HPSE2: variants seen among roughly 807,000 people sequenced by gnomAD.
HPSE2 encodes the protein inactive heparanase-2.
In HPSE2, 38 loss-of-function variants were observed where a neutral mutation model predicts 60.5. That is an observed-to-expected ratio of 0.63 (90% confidence interval 0.48 to 0.82). The LOEUF is 0.82. HPSE2 is among the 40% of genes least tolerant of loss of function. The pLI, the probability that HPSE2 is intolerant of heterozygous loss-of-function variation, is 0.00. For synonymous variants in HPSE2, 295 were observed against 293.2 expected (o/e 1.01, Z -0.06); for missense variants, 713 against 740.4 (o/e 0.96, Z 0.43).
intron 3 of HPSE2, among the ~76,000 whole-genome samples, chr10:99,088,686 G>A (rs893976455): frequency 2.0e-5 from 3 of 152,204 alleles, no homozygotes; most frequent in African/African-American, 7.2e-5. Context: ...TATCTTTTTC[G>A]TATAATGACT....
At chr10:98,462,332 C>T (rs1040285509) in intron 11 of HPSE2, among the ~76,000 whole-genome samples, 9 of 152,152 alleles carry the variant, frequency 5.9e-5, no homozygotes, top group African/African-American at 1.7e-4. Context: ...GCATGTGCCA[C>T]CACACCTGGC....
At chr10:98,852,114 TGTGTG>T (rs1475414231) in intron 3 of HPSE2, among the ~76,000 whole-genome samples, 50 of 46,624 alleles carry the variant, frequency 1.1e-3, no homozygotes, top group Non-Finnish European at 1.8e-3. Context: ...TATATTATGA[TGTGTG>T]TGTGTGTGTG....
intron 2 of HPSE2, among the ~76,000 whole-genome samples, chr10:99,163,902 G>C (rs1406850679): frequency 1.3e-5 from 2 of 151,884 alleles, no homozygotes; most frequent in Admixed American, 6.6e-5. Flanking sequence ...TACCACAAAG[G>C]TATGTTTAGC....
At chr10:98,989,980 G>T (rs1022177963) in intron 3 of HPSE2, among the ~76,000 whole-genome samples, 2 of 152,128 alleles carry the variant, frequency 1.3e-5, no homozygotes, top group African/African-American at 4.8e-5. Context: ...GCTTGTGGGC[G>T]TACCAAAACT....
intron 2 of HPSE2, among the ~76,000 whole-genome samples, chr10:99,184,791 T>TATATATATATATATATATATA (rs1847915082): frequency 9.6e-4 from 20 of 20,930 alleles, no homozygotes; most frequent in Non-Finnish European, 1.7e-3. Context: ...CAAAATTATA[T>TATATATATATATATATATATA]ATATATATAT....
chr10:99,204,208 C>A (rs985391652), intron 2 of HPSE2, among the ~76,000 whole-genome samples: 1 of 152,104 alleles, frequency 6.6e-6, no homozygotes, highest in Non-Finnish European at 1.5e-5. Context: ...AGGCTCGAGG[C>A]CCAATCCCAC....
At chr10:98,778,298 A>AGAGAGAGAGAC (rs1950390952) in intron 3 of HPSE2, among the ~76,000 whole-genome samples, 1 of 29,352 alleles carries the variant, frequency 3.4e-5, no homozygotes, top group South Asian at 1.3e-3. Flanking sequence ...GAGAGAGAGA[A>AGAGAGAGAGAC]AGCAAGAAAG....
intron 9 of HPSE2, among the ~76,000 whole-genome samples, chr10:98,573,526 GT>G (rs1564979817): frequency 6.6e-6 from 1 of 152,100 alleles, no homozygotes; most frequent in Non-Finnish European, 1.5e-5. Context: ...TTGTTTTGTT[GT>G]CCCCCATTCT....
chr10:98,722,298 GAGA>G (rs767889740), intron 4 of HPSE2, among the ~76,000 whole-genome samples: 7 of 150,946 alleles, frequency 4.6e-5, no homozygotes, highest in Non-Finnish European at 8.8e-5. Context: ...CAGACACAGA[GAGA>G]AGAATGCCAC....
chr10:99,066,677 A>G (rs763842501), intron 3 of HPSE2, among the ~76,000 whole-genome samples: 2 of 152,170 alleles, frequency 1.3e-5, no homozygotes, highest in Non-Finnish European at 1.5e-5. Flanking sequence ...TGATTCCATT[A>G]TCTCCACCTG....
intron 3 of HPSE2, among the ~76,000 whole-genome samples, chr10:98,809,903 G>GGTT (rs1329331460): frequency 1.3e-5 from 2 of 152,044 alleles, no homozygotes; most frequent in Non-Finnish European, 2.9e-5. Context: ...TTTCTGAAAA[G>GGTT]GTTTTACTTA....
intron 3 of HPSE2, among the ~76,000 whole-genome samples, chr10:99,092,995 C>T (rs973169678): frequency 2.6e-5 from 4 of 152,082 alleles, no homozygotes; most frequent in African/African-American, 7.2e-5. Context: ...CTTTGGAGGT[C>T]GAAGTGGGCA....
At chr10:98,542,693 G>A (rs1454036670) in intron 9 of HPSE2, among the ~76,000 whole-genome samples, 1 of 150,496 alleles carries the variant, frequency 6.6e-6, no homozygotes, top group East Asian at 2.0e-4. Context: ...AGAAGCCTCA[G>A]GAGCCGATGC....
chr10:98,915,735 A>G (rs959558484), intron 3 of HPSE2, among the ~76,000 whole-genome samples: 9 of 152,220 alleles, frequency 5.9e-5, no homozygotes, highest in Non-Finnish European at 5.9e-5. Flanking sequence ...TGTGAATGAG[A>G]AGAAAAATAA....
At chr10:99,260,578 T>C in the HPSE2 span, among the ~76,000 whole-genome samples, 1 of 152,216 alleles carries the variant, frequency 6.6e-6, no homozygotes, top group African/African-American at 2.4e-5. Context: ...GTTTTTCCTC[T>C]CTAGTAGAGA....
intron 9 of HPSE2, among the ~76,000 whole-genome samples, chr10:98,591,486 A>T (rs1388768675): frequency 1.3e-5 from 2 of 152,028 alleles, no homozygotes; most frequent in African/African-American, 4.8e-5. Context: ...AACATGGCAA[A>T]GCCCTGTCTC....
intron 3 of HPSE2, among the ~76,000 whole-genome samples, chr10:98,914,872 C>A (rs77284618): frequency 6.6e-6 from 1 of 151,454 alleles, no homozygotes; most frequent in Non-Finnish European, 1.5e-5. Flanking sequence ...ATTTGGTGAG[C>A]TTCACCCCAA....
chr10:98,902,881 C>G (rs1358309515), intron 3 of HPSE2, among the ~76,000 whole-genome samples: 1 of 152,018 alleles, frequency 6.6e-6, no homozygotes, highest in Admixed American at 6.6e-5. Context: ...CAAATTTCCT[C>G]AAATGGGTAA....
intron 3 of HPSE2, among the ~76,000 whole-genome samples, chr10:99,120,331 A>G (rs1184852237): frequency 1.3e-5 from 2 of 152,244 alleles, no homozygotes; most frequent in Non-Finnish European, 2.9e-5. Flanking sequence ...ATCCTATGAA[A>G]AAAAGCTCAA....
Sources: gnomAD v4.1 joint callset for allele counts (sites outside exome capture counted in the v4.1 genomes callset) on GRCh38, gnomAD v4.1.1 for gene constraint, MANE v1.5 for transcripts, NCBI Gene and HGNC (gene_info 2026-07-23, HGNC 2026-07-21) for gene names.